Variants in KDM4C observed in about 807,000 individuals in gnomAD.
The protein encoded by KDM4C is lysine-specific demethylase 4C.
In KDM4C, 81 loss-of-function variants were observed where a neutral mutation model predicts 129.3. The observed-to-expected ratio is 0.63, with a 90% confidence interval of 0.52 to 0.75. The LOEUF is 0.75. KDM4C is among the 30% of genes least tolerant of loss of function. The pLI is 0.00. For synonymous variants in KDM4C, 573 were observed against 456.1 expected (o/e 1.26, Z -3.26); for missense variants, 1,457 against 1,304.0 (o/e 1.12, Z -1.81).
At chr9:6,903,749 C>T (rs1455888121) in intron 8 of KDM4C, among the ~76,000 whole-genome samples, 1 of 152,110 alleles carries the variant, frequency 6.6e-6, no homozygotes, top group Non-Finnish European at 1.5e-5. Flanking sequence ...ACCCAAATAT[C>T]CATTGTTGAA....
chr9:6,866,301 G>C (rs1270828761), intron 5 of KDM4C, among the ~76,000 whole-genome samples: 1 of 151,152 alleles, frequency 6.6e-6, no homozygotes, highest in Non-Finnish European at 1.5e-5. Context: ...TTCTTTTTCT[G>C]CTAGGTTACT....
chr9:7,082,041 A>G (rs1457525871), intron 17 of KDM4C, among the ~76,000 whole-genome samples: 1 of 152,216 alleles, frequency 6.6e-6, no homozygotes, highest in African/African-American at 2.4e-5. Flanking sequence ...TGTGAAAAGC[A>G]TCATGGTGGC....
intron 8 of KDM4C, among the ~76,000 whole-genome samples, chr9:6,933,257 AC>A (rs1229395494): frequency 6.6e-6 from 1 of 152,244 alleles, no homozygotes; most frequent in African/African-American, 2.4e-5. Flanking sequence ...ACAGGTAATT[AC>A]ATCTTCAGGT....
intron 17 of KDM4C, among the ~76,000 whole-genome samples, chr9:7,064,858 T>A (rs1352091667): frequency 1.3e-5 from 2 of 152,162 alleles, no homozygotes; most frequent in East Asian, 1.9e-4. Flanking sequence ...CTTCTAGGTG[T>A]CCATTTGGCC....
chr9:7,134,120 T>C (rs1254267935), intron 19 of KDM4C, among the ~76,000 whole-genome samples: 1 of 152,234 alleles, frequency 6.6e-6, no homozygotes, highest in Non-Finnish European at 1.5e-5. Flanking sequence ...AGTGGACATT[T>C]GCCAGAGAAG....
intron 15 of KDM4C, among the ~76,000 whole-genome samples, chr9:7,035,771 C>G (rs1170189015): frequency 1.3e-5 from 2 of 152,094 alleles, no homozygotes; most frequent in Non-Finnish European, 2.9e-5. Flanking sequence ...GTTCATGGCA[C>G]CTTTGTCCAA....
At chr9:6,749,537 G>T (rs951133242) in intron 1 of KDM4C, among the ~76,000 whole-genome samples, 2 of 152,062 alleles carry the variant, frequency 1.3e-5, no homozygotes, top group Non-Finnish European at 2.9e-5. Flanking sequence ...ACATGGTGGT[G>T]CATGCCTGTG....
intron 5 of KDM4C, among the ~76,000 whole-genome samples, chr9:6,870,025 A>G (rs1449087229): frequency 3.3e-5 from 5 of 152,240 alleles, no homozygotes; most frequent in African/African-American, 4.8e-5. Flanking sequence ...TAGTGGTTCA[A>G]TCTTTTTGAC....
chr9:7,169,296 AT>A (rs1166656480), intron 20 of KDM4C, among the ~76,000 whole-genome samples: 2 of 152,036 alleles, frequency 1.3e-5, no homozygotes, highest in African/African-American at 4.8e-5. Flanking sequence ...ATTTCCAAGA[AT>A]TTTGGCCTGT....
chr9:7,119,826 T>G (rs1189755851), intron 18 of KDM4C, among the ~76,000 whole-genome samples: 2 of 152,148 alleles, frequency 1.3e-5, no homozygotes, highest in Non-Finnish European at 2.9e-5. Context: ...TCCCTCCTGG[T>G]TCAGATGTTT....
At chr9:6,785,107 A>G (rs866728291) in intron 1 of KDM4C, among the ~76,000 whole-genome samples, 11 of 152,318 alleles carry the variant, frequency 7.2e-5, no homozygotes, top group Admixed American at 2.0e-4. Context: ...ATGGTTTAAA[A>G]CAAGAGACGT....
At chr9:7,059,654 T>C (rs1831341914) in intron 17 of KDM4C, among the ~76,000 whole-genome samples, 1 of 152,202 alleles carries the variant, frequency 6.6e-6, no homozygotes, top group Non-Finnish European at 1.5e-5. Flanking sequence ...CCACATAGTC[T>C]TCATATACTT....
intron 17 of KDM4C, chr9:7,076,616 C>G: frequency 7.1e-7 from 1 of 1,413,554 alleles, no homozygotes; most frequent in Non-Finnish European, 9.2e-7. Context: ...ATAGCCTGAG[C>G]TCCTGATTGA....
At chr9:6,890,923 G>C (rs10975873) in intron 7 of KDM4C, among the ~76,000 whole-genome samples, 2,458 of 152,340 alleles carry the variant, frequency 0.016, 68 homozygotes, top group African/African-American at 0.055. Context: ...TGGTAAGCCT[G>C]TCTCTGCTGC....
chr9:7,113,832 G>A (rs1351707142), intron 18 of KDM4C, among the ~76,000 whole-genome samples: 19 of 152,152 alleles, frequency 1.2e-4, no homozygotes, highest in Admixed American at 1.0e-3. Context: ...ATGAAGGCTC[G>A]TGCTGGAGAG....
chr9:7,060,907 C>A (rs1831569213), intron 17 of KDM4C, among the ~76,000 whole-genome samples: 1 of 152,292 alleles, frequency 6.6e-6, no homozygotes, highest in East Asian at 1.9e-4. Context: ...TGAAAGACAG[C>A]TGTTCCTCTT....
At chr9:7,030,547 A>G (rs561396105) in intron 15 of KDM4C, among the ~76,000 whole-genome samples, 50 of 152,270 alleles carry the variant, frequency 3.3e-4, no homozygotes, top group African/African-American at 1.2e-3. Flanking sequence ...GATGGAAGCT[A>G]TGTATGTGTG....
rs34489986 is a variant in KDM4C, at chr9:6,958,084, C to CT, written c.922-22827dup. Reference sequence around the variant, plus strand: ...CTGAGGGTTTGCTTCAGCAAAGTAGCTTTTTTTTTTTTTTAATAATTGCTT... The same window carrying CT: ...CTGAGGGTTTGCTTCAGCAAAGTAGCTTTTTTTTTTTTTTTAATAATTGCTT... On this transcript the variant is annotated intron_variant, in intron 8 of 21. Coordinates refer to ENST00000381309, the MANE Select transcript of KDM4C (RefSeq NM_015061.6). 9.3e-3 allele frequency among the ~76,000 whole-genome samples: 1,334 copies of CT among 144,146 alleles called. 6 individuals are homozygous for CT. Among genetic ancestry groups the CT allele is most frequent in the African/African-American group, 0.022 (862 of 38,896 alleles). The allele number at this position is 144,146 out of a possible 152,430, so 94.6% of individuals were successfully genotyped here. A position where few individuals can be genotyped will look rare whatever the true frequency, so the allele number is the denominator to read the frequency against.
intron 4 of KDM4C, chr9:6,834,989 G>A (rs997315137): frequency 6.1e-5 from 59 of 973,948 alleles, no homozygotes; most frequent in Non-Finnish European, 9.7e-5. Context: ...CCTGCATCTG[G>A]ACCTGGCTGG....
Sources: allele counts gnomAD v4.1 joint callset (sites outside exome capture counted in the v4.1 genomes callset), GRCh38; gene constraint gnomAD v4.1.1; transcripts MANE v1.5; gene names NCBI Gene and HGNC (gene_info 2026-07-23, HGNC 2026-07-21).